Variants in PRRG3 observed in about 807,000 individuals in gnomAD.
PRRG3 encodes the protein proline rich and Gla domain 3.
A neutral mutation model predicts 15.8 loss-of-function variants in PRRG3; 21 were observed. The ratio of observed to expected loss-of-function variants is 1.33; its 90% CI spans 0.94 to 1.92. The LOEUF is 1.92. Among genes scored for constraint, PRRG3 ranks in the 40% most tolerant of loss-of-function variants. The probability of loss-of-function intolerance (pLI) is 0.00; values close to 1 mark genes in which losing one functional copy is unlikely to be tolerated. For missense variants in PRRG3, 251 were observed against 200.2 expected, an observed-to-expected ratio of 1.25 and a Z score of -1.53; for synonymous variants, 125 against 84.1, an observed-to-expected ratio of 1.49 and a Z score of -2.66.
chrX:151,698,726 G>A (rs954356040), intron 1 of PRRG3, 58 bp from the exon 2 acceptor site: 13 of 943,413 alleles, frequency 1.4e-5, no homozygotes, highest in Non-Finnish European at 2.0e-5. Flanking sequence ...AGCCAAGAGT[G>A]TGCCCTGTAA....
In PRRG3 at chrX:151,700,167, C is replaced by T. The variant is rs761749752; in HGVS notation, c.168+11C>T. 1.3e-5 allele frequency: 16 copies of T among 1,210,325 alleles called. No individual in the cohort carries two copies. The East Asian group carries it at 4.4e-4, about 34-fold the overall frequency. The stretch of plus-strand genomic sequence containing the variant: ...AACAAAGAGAAAACGGCATGTACCA[C>T]CCTGGGGCTGGTTCTGGGAGTAGGA... On this transcript the variant is annotated intron_variant, in intron 3 of 3. Coordinates refer to ENST00000674457, the MANE Select transcript of PRRG3 (RefSeq NM_001372163.1).
chrX:151,694,801 G>C (rs2014726956), upstream of PRRG3, among the ~76,000 whole-genome samples: 1 of 111,916 alleles, frequency 8.9e-6, no homozygotes, highest in Non-Finnish European at 1.9e-5. Flanking sequence ...CGCCTGGCGC[G>C]CGGGCCTTGG....
intron 2 of PRRG3, 90 bp downstream of exon 2, chrX:151,698,911 C>G (rs773643265): frequency 1.1e-6 from 1 of 904,645 alleles, no homozygotes; most frequent in African/African-American, 2.0e-5. Flanking sequence ...CTTCCCTGCC[C>G]CCTACCCCCC....
chrX:151,695,436 C>G (rs1450435361), upstream of PRRG3: 1 of 109,106 alleles, frequency 9.2e-6, no homozygotes, highest in Non-Finnish European at 1.9e-5. Context: ...GGGGCTTGGC[C>G]GACGGGGAGC....
In PRRG3 at chrX:151,700,954, A is replaced by G; in HGVS notation, c.617A>G (p.Glu206Gly). ...ACTGCGCCCCAAGAGAGCAGCAGTG[A>G]GGAGGCCAGCGTGTCTTACAGTGAC... Reference protein sequence around the residue: ...EVTAPQESSSEEASVSYSDPP... With the variant: ...EVTAPQESSSGEASVSYSDPP... Residue 206 changes from glutamate to glycine, a missense_variant, in exon 4 of 4, where the codon GAG (glutamate) becomes GGG (glycine). Glu to Gly is a moderately conservative substitution (Grantham distance 98, BLOSUM62 -2). Coordinates refer to ENST00000674457, the MANE Select transcript of PRRG3 (RefSeq NM_001372163.1). 8.3e-7 allele frequency: 1 copy of G among 1,208,207 alleles called. No individual in the cohort carries two copies. The highest frequency in any genetic ancestry group is 1.1e-6 in the Non-Finnish European group (1 of 893,577).
In PRRG3 at chrX:151,700,713, G is replaced by A. The variant is rs1026297893; in HGVS notation, c.376G>A (p.Gly126Arg). The change falls in exon 4 of 4, where the codon GGG (glycine) becomes AGG (arginine). Residue 126 changes from glycine to arginine, a missense_variant. Coordinates refer to ENST00000674457, the MANE Select transcript of PRRG3 (RefSeq NM_001372163.1). ...GAACCGGTACCTAGCCAGTCGCGCC[G>A]GGCACACCCTCCCCCGGGTCATGGT... ...AQNRYLASRAGHTLPRVMVYR... is the reference protein window; with the variant it reads ...AQNRYLASRARHTLPRVMVYR... The A allele has an allele frequency of 3.2e-5, 39 of 1,207,623 alleles. No homozygotes were observed. Among genetic ancestry groups the A allele is most frequent in the Middle Eastern group, 2.3e-4 (1 of 4,368 alleles).
rs200265801 is a variant in PRRG3 at position 151,700,782 on chromosome X, C to G, written c.445C>G (p.Arg149Gly). Residue 149 changes from arginine to glycine, a missense_variant, in exon 4 of 4, where the codon CGA becomes GGA. By Grantham distance (125) the Arg-to-Gly change is moderately radical. Coordinates refer to ENST00000674457, the MANE Select transcript of PRRG3 (RefSeq NM_001372163.1). ...VHSQGEPSGH[R>G]EAANSPQVVL... ...TAGCCAAGGGGAGCCTTCTGGGCAC[C>G]GAGAGGCAGCGAACAGCCCCCAGGT... is the stretch of plus-strand genomic sequence containing the variant. 1.7e-6 allele frequency: 2 copies of G among 1,194,540 alleles called. No individual in the cohort carries two copies. Among genetic ancestry groups the G allele is most frequent in the Non-Finnish European group, 2.3e-6 (2 of 884,813 alleles).
intron 2 of PRRG3, 103 bp downstream of exon 2, chrX:151,698,924 G>A: frequency 1.3e-6 from 1 of 789,370 alleles, no homozygotes; most frequent in Non-Finnish European, 1.9e-6. Context: ...TACCCCCCAA[G>A]TGGGCCTGTA....
rs917762908 is a variant in PRRG3, at chrX:151,705,397, A to G, written c.*4364A>G. The stretch of plus-strand genomic sequence containing the variant: ...GAATTTATCTGACAAACATACCCAA[A>G]TAGCACACCCTCTCAAGCTCAATGC... On this transcript the variant is annotated 3_prime_UTR_variant, in exon 4 of 4. Transcript: ENST00000674457. The G allele has an allele frequency of 1.2e-5, 4 of 341,219 alleles. No individual in the cohort carries two copies. Among genetic ancestry groups the G allele is most frequent in the Non-Finnish European group, 2.4e-5 (4 of 169,863 alleles). 28.1% of individuals were successfully genotyped at this position (341,219 alleles called of 1,213,427 possible).
At position 151,701,297 on chromosome X, in the gene PRRG3, T is replaced by C. The variant is rs886552442; in HGVS notation, c.*264T>C. 2.2e-5 allele frequency: 6 copies of C among 268,138 alleles called. No individual in the cohort carries two copies. Among genetic ancestry groups the C allele is most frequent in the Admixed American group, 6.0e-5 (1 of 16,587 alleles). The allele number at this position is 268,138 out of a possible 1,213,427, so 22.1% of individuals were successfully genotyped here. On this transcript the variant is annotated 3_prime_UTR_variant, in exon 4 of 4. Coordinates refer to ENST00000674457, the MANE Select transcript of PRRG3 (RefSeq NM_001372163.1). ...TGGGATGACCCCCAAGCCTCCAACATCCTGTCTTTCCATCAGGAACTGGCT... is the reference window on the plus strand; with the variant it reads ...TGGGATGACCCCCAAGCCTCCAACACCCTGTCTTTCCATCAGGAACTGGCT...
rs1283046532 is a variant in PRRG3 at position 151,702,455 on chromosome X, C to G, written c.*1422C>G. 1 of 112,147 alleles carries G rather than the reference C, an allele frequency of 8.9e-6. No homozygotes were observed. The highest frequency in any genetic ancestry group is 1.9e-5 in the Non-Finnish European group (1 of 53,225). 9.2% of individuals were successfully genotyped at this position (112,147 alleles called of 1,213,427 possible). On this transcript the variant is annotated 3_prime_UTR_variant, in exon 4 of 4. Transcript: ENST00000674457. ...TTGTGTCCCTACCCCAGTGAGGCCA[C>G]CAGCTTGGACCACTCCACCCTGTGG...
chrX:151,700,289 C>A, intron 3 of PRRG3, 133 bp downstream of exon 3: 1 of 1,169,651 alleles, frequency 8.5e-7, no homozygotes. Context: ...AGGGCCATCA[C>A]GGAGCAGATA....
chrX:151,699,166 C>A (rs757095837), intron 2 of PRRG3, among the ~76,000 whole-genome samples: 2 of 112,852 alleles, frequency 1.8e-5, no homozygotes, highest in Non-Finnish European at 3.8e-5. Context: ...TCTAGGTGAA[C>A]AACAGGAGCA....
Position 151,704,399 on chromosome X carries a change from C to T in PRRG3, c.*3366C>T, listed in dbSNP as rs1318855755. ...TAGCCCGAATATGAGGAATTCAGGACAGGAAAGTGTCTTTTTGTCAAGTAG... is the reference window on the plus strand; with the variant it reads ...TAGCCCGAATATGAGGAATTCAGGATAGGAAAGTGTCTTTTTGTCAAGTAG... On this transcript the variant is annotated 3_prime_UTR_variant, in exon 4 of 4. Transcript: ENST00000674457. 9.0e-6 allele frequency: 1 copy of T among 111,723 alleles called. No individual in the cohort carries two copies. The highest frequency in any genetic ancestry group is 1.9e-5 in the Non-Finnish European group (1 of 53,102). The allele number at this position is 111,723 out of a possible 1,213,427, so 9.2% of individuals were successfully genotyped here. A position where few individuals can be genotyped will look rare whatever the true frequency, so the allele number is the denominator to read the frequency against.
At position 151,703,254 on chromosome X, in the gene PRRG3, T is replaced by C. The variant is rs1036739515; in HGVS notation, c.*2221T>C. 1 of 111,911 alleles carries C rather than the reference T, an allele frequency of 8.9e-6. No homozygotes were observed. The highest frequency in any genetic ancestry group is 3.3e-5 in the African/African-American group (1 of 30,726). The allele number at this position is 111,911 out of a possible 1,213,427, so 9.2% of individuals were successfully genotyped here. On this transcript the variant is annotated 3_prime_UTR_variant, in exon 4 of 4. Coordinates refer to ENST00000674457, the MANE Select transcript of PRRG3 (RefSeq NM_001372163.1). ...CTTCATGGTGTTCTGCCAGGTGGGG[T>C]TGCACCACGGTCTCTGGGATGGTTT...
intron 1 of PRRG3, chrX:151,698,524 G>A (rs1178932383): frequency 3.7e-6 from 1 of 267,607 alleles, no homozygotes; most frequent in Non-Finnish European, 6.6e-6. Flanking sequence ...TAGATGCTCA[G>A]AACATGTTCT....
At chrX:151,698,914 T>A in intron 2 of PRRG3, 93 bp downstream of exon 2, 1 of 894,206 alleles carries the variant, frequency 1.1e-6, no homozygotes, top group Non-Finnish European at 1.6e-6. Context: ...CCCTGCCCCC[T>A]ACCCCCCAAG....
At position 151,700,536 on chromosome X, in the gene PRRG3, G is replaced by A; in HGVS notation, c.199G>A (p.Val67Ile). ...MEFWKGYPNA[V>I]YSVRDPSQSS... ...GTTCTGGAAAGGGTACCCAAATGCA[G>A]TCTACTCTGTCCGAGACCCCTCGCA... is the stretch of plus-strand genomic sequence containing the variant. Residue 67 changes from valine to isoleucine, a missense_variant, in exon 4 of 4, where the codon GTC becomes ATC. Physicochemically the swap from Val to Ile is conservative, Grantham distance 29 (BLOSUM62 3). Transcript: ENST00000674457. 1 of 1,199,744 alleles carries A rather than the reference G, an allele frequency of 8.3e-7. No individual in the cohort carries two copies. Among genetic ancestry groups the A allele is most frequent in the Non-Finnish European group, 1.1e-6 (1 of 887,805 alleles).
rs759609059 is a variant in PRRG3 at position 151,700,559 on chromosome X, G to A, written c.222G>A (p.Ser74=). 19 of 1,206,295 alleles carry A rather than the reference G, an allele frequency of 1.6e-5. No individual in the cohort carries two copies. Among genetic ancestry groups the A allele is most frequent in the Middle Eastern group, 2.3e-4 (1 of 4,356 alleles). ...CAGTCTACTCTGTCCGAGACCCCTC[G>A]CAGAGCTCAGATGCCATGTATGTGG... ...PNAVYSVRDP[S]QSSDAMYVVV... is the part of the protein sequence containing the mutation. The change falls in exon 4 of 4, where the codon TCG becomes TCA. Residue 74 remains serine, a synonymous_variant. Transcript: ENST00000674457.
Sources: gnomAD v4.1 joint callset for allele counts (sites outside exome capture counted in the v4.1 genomes callset) on GRCh38, gnomAD v4.1.1 for gene constraint, MANE v1.5 for transcripts, NCBI Gene and HGNC (gene_info 2026-07-23, HGNC 2026-07-21) for gene names.